The following RNF128 variants were observed in gnomAD, a reference collection of about 807,000 sequenced individuals.
RNF128 encodes the protein E3 ubiquitin-protein ligase RNF128.
A neutral mutation model predicts 26.2 loss-of-function variants in RNF128; 13 were observed. The observed-to-expected ratio is 0.50, with a 90% CI of 0.32 to 0.79. The LOEUF is 0.79. Among genes scored for constraint, RNF128 ranks in the 30% least tolerant of loss-of-function variants. The probability of loss-of-function intolerance (pLI) is 0.03; values close to 1 mark genes in which losing one functional copy is unlikely to be tolerated. For missense variants in RNF128, 315 were observed against 349.7 expected, an observed-to-expected ratio of 0.90 and a Z score of 0.79; for synonymous variants, 149 against 142.5, an observed-to-expected ratio of 1.05 and a Z score of -0.32.
chrX:106,730,238 G>A (rs1266152918), intron 1 of RNF128, among the ~76,000 whole-genome samples: 1 of 112,173 alleles, frequency 8.9e-6, no homozygotes, highest in Non-Finnish European at 1.9e-5. Context: ...AAAGTTAATT[G>A]TAGCCTAACA....
rs1419158910 is a variant in RNF128 at position 106,782,685 on chromosome X, A to G, written c.733-2380A>G. 2.7e-5 allele frequency among the ~76,000 whole-genome samples: 3 copies of G among 111,818 alleles called. No individual in the cohort carries two copies. In the East Asian group the frequency reaches 8.4e-4, roughly 31 times the overall value. On this transcript the variant is annotated intron_variant, in intron 2 of 6. Coordinates refer to ENST00000255499, the MANE Select transcript of RNF128 (RefSeq NM_194463.2). ...TTGTGAGGATTAAATGAGGTAATGG[A>G]TATAAAAAATATATTTTAAACTGTA...
chrX:106,788,333 ACT>A (rs1283099778), intron 4 of RNF128, among the ~76,000 whole-genome samples: 1 of 54,808 alleles, frequency 1.8e-5, no homozygotes, highest in Non-Finnish European at 3.0e-5. Context: ...TATTATATAT[ACT>A]ATATATAATA....
At chrX:106,701,477 T>C (rs745362482) in intron 1 of RNF128, among the ~76,000 whole-genome samples, 1 of 111,739 alleles carries the variant, frequency 8.9e-6, no homozygotes, top group Non-Finnish European at 1.9e-5. Context: ...AGAGTCACCA[T>C]GTAGGATATG....
chrX:106,715,842 CAG>C (rs1464534741), intron 1 of RNF128, among the ~76,000 whole-genome samples: 1 of 111,380 alleles, frequency 9.0e-6, no homozygotes, highest in African/African-American at 3.3e-5. Context: ...GGCAGGGCAA[CAG>C]AATTACCTGC....
chrX:106,710,711 G>A (rs1318892370), intron 1 of RNF128, among the ~76,000 whole-genome samples: 3 of 95,903 alleles, frequency 3.1e-5, no homozygotes, highest in Non-Finnish European at 4.1e-5. Flanking sequence ...GAGCCAAGGT[G>A]GTGCCACTGC....
rs184592754 is a variant in RNF128 at position 106,706,084 on chromosome X, A to C, written c.406+11676A>C. Among the ~76,000 whole-genome samples the C allele has an allele frequency of 1.9e-3, 217 of 111,983 alleles. 2 individuals carry two copies. Among genetic ancestry groups the C allele is most frequent in the African/African-American group, 6.7e-3 (206 of 30,821 alleles). On this transcript the variant is annotated intron_variant, in intron 1 of 6. Coordinates refer to the RNF128 transcript ENST00000324342. Reference sequence around the variant, plus strand: ...TAGGCCTCTAACCTGATGCATTACCACATGATACCTCCACGACATGGGAGA... The same window carrying C: ...TAGGCCTCTAACCTGATGCATTACCCCATGATACCTCCACGACATGGGAGA...
At chrX:106,767,941 T>A (rs1020491769) in intron 1 of RNF128, among the ~76,000 whole-genome samples, 2 of 112,063 alleles carry the variant, frequency 1.8e-5, no homozygotes, top group Non-Finnish European at 3.8e-5. Context: ...TTGAATTTTG[T>A]CAAAGGCCTT....
At chrX:106,738,914 T>G (rs1264585843) in intron 1 of RNF128, among the ~76,000 whole-genome samples, 1 of 111,826 alleles carries the variant, frequency 8.9e-6, no homozygotes, top group Admixed American at 9.5e-5. Flanking sequence ...GCTTTGGAGA[T>G]TGGCAGTGTA....
chrX:106,696,515 T>G (rs1030617190), intron 1 of RNF128, among the ~76,000 whole-genome samples: 2 of 111,505 alleles, frequency 1.8e-5, no homozygotes, highest in Non-Finnish European at 3.8e-5. Flanking sequence ...TTTTCACTCG[T>G]GTTTTGTTTT....
At chrX:106,775,341 T>C (rs1930447860) in intron 2 of RNF128, among the ~76,000 whole-genome samples, 1 of 112,167 alleles carries the variant, frequency 8.9e-6, no homozygotes, top group East Asian at 2.8e-4. Context: ...AGTGCTATAA[T>C]AAATTTATTG....
intron 1 of RNF128, among the ~76,000 whole-genome samples, chrX:106,755,820 G>T (rs934962254): frequency 9.9e-5 from 11 of 110,555 alleles, no homozygotes; most frequent in Admixed American, 9.7e-4. Context: ...TGACATGATT[G>T]TATATCTAGA....
chrX:106,746,394 A>G (rs970601727), intron 1 of RNF128, among the ~76,000 whole-genome samples: 59 of 111,414 alleles, frequency 5.3e-4, no homozygotes, highest in African/African-American at 1.8e-3. Context: ...TAACACGTTA[A>G]TATTAAATGT....
intron 1 of RNF128, among the ~76,000 whole-genome samples, chrX:106,712,703 G>T (rs755942887): frequency 1.1e-4 from 12 of 110,525 alleles, no homozygotes; most frequent in Non-Finnish European, 2.1e-4. Context: ...AAGTAAAAGG[G>T]TTATTTTAAT....
intron 6 of RNF128, 75 bp from the exon 7 acceptor site, chrX:106,795,505 G>T: frequency 1.0e-6 from 1 of 969,564 alleles, no homozygotes; most frequent in Non-Finnish European, 1.4e-6. Flanking sequence ...AAGACTTCTT[G>T]GAAGTAAATG....
At chrX:106,762,675 C>T (rs755865531) in intron 1 of RNF128, among the ~76,000 whole-genome samples, 2 of 110,604 alleles carry the variant, frequency 1.8e-5, no homozygotes, top group African/African-American at 6.6e-5. Context: ...GTTGTATAGG[C>T]AAATTGTGTG....
chrX:106,785,092 G>A lies in RNF128; in HGVS notation c.760G>A (p.Ala254Thr), dbSNP rs752862792. ...GCAATTAAAGGCAGATGCTAAAAAA[G>A]CTATTGGAAGGCTTCAACTACGCAC... ...QRQLKADAKK[A>T]IGRLQLRTLK... The change falls in exon 3 of 7, where the codon GCT (alanine) becomes ACT (threonine). Residue 254 changes from alanine (A) to threonine (T), a missense_variant. Physicochemically the swap from Ala to Thr is moderately conservative, Grantham distance 58 (BLOSUM62 0). Transcript: ENST00000255499. 9.3e-6 allele frequency: 11 copies of A among 1,184,207 alleles called. No homozygotes were observed. Among genetic ancestry groups the A allele is most frequent in the Non-Finnish European group, 1.1e-5 (10 of 885,027 alleles).
At chrX:106,700,107 G>A (rs1159951585) in intron 1 of RNF128, among the ~76,000 whole-genome samples, 1 of 106,699 alleles carries the variant, frequency 9.4e-6, no homozygotes, top group Non-Finnish European at 1.9e-5. Flanking sequence ...CTGAAGTCTC[G>A]AACTCCCTGG....
intron 4 of RNF128, among the ~76,000 whole-genome samples, chrX:106,789,572 T>C (rs1222674956): frequency 1.0e-5 from 1 of 99,137 alleles, no homozygotes; most frequent in African/African-American, 3.5e-5. Context: ...TATTATAATA[T>C]GTAGTATATA....
intron 1 of RNF128, among the ~76,000 whole-genome samples, chrX:106,729,077 A>G (rs1929457242): frequency 8.9e-6 from 1 of 112,032 alleles, no homozygotes. Flanking sequence ...TTGTAATTGA[A>G]GAGTATTTAA....
Sources: allele counts gnomAD v4.1 joint callset (sites outside exome capture counted in the v4.1 genomes callset), GRCh38; gene constraint gnomAD v4.1.1; transcripts MANE v1.5; gene names NCBI Gene and HGNC (gene_info 2026-07-23, HGNC 2026-07-21).